DAB1: variants seen among roughly 807,000 people sequenced by gnomAD.
DAB1 encodes the protein disabled homolog 1.
DAB1 carries 15 observed loss-of-function variants against 64.6 expected under a neutral mutation model. The ratio of observed to expected loss-of-function variants is 0.23; its 90% confidence interval spans 0.16 to 0.36. The LOEUF (loss-of-function observed/expected upper bound fraction) is 0.36. Among genes scored for constraint, DAB1 ranks in the 10% least tolerant of loss-of-function variants. DAB1 has a pLI of 1.00. For synonymous variants in DAB1, 235 were observed against 251.9 expected (o/e 0.93, Z 0.64); for missense variants, 596 against 706.7 (o/e 0.84, Z 1.78).
intron 1 of DAB1, among the ~76,000 whole-genome samples, chr1:57,324,443 G>T (rs999366840): frequency 2.0e-5 from 3 of 152,182 alleles, no homozygotes; most frequent in African/African-American, 7.2e-5. Context: ...GGTGAAGTCA[G>T]ATAAAGAAGC....
chr1:58,106,352 A>T (rs1213768), intron 5 of DAB1, among the ~76,000 whole-genome samples: 2,421 of 151,802 alleles, frequency 0.016, 59 homozygotes, highest in African/African-American at 0.055. Flanking sequence ...GCTAATTTTT[A>T]AAAAAGTTTT....
chr1:57,142,727 A>G (rs1215830981), intron 3 of DAB1, among the ~76,000 whole-genome samples: 1 of 152,118 alleles, frequency 6.6e-6, no homozygotes, highest in African/African-American at 2.4e-5. Flanking sequence ...CAGGGAGCAG[A>G]GGCCAAATCC....
At chr1:58,071,770 A>G (rs954500940) in intron 5 of DAB1, 3 of 152,184 alleles carry the variant, frequency 2.0e-5, no homozygotes, top group African/African-American at 7.2e-5. Context: ...AACACACAGA[A>G]TCACAGGATC....
intron 5 of DAB1, among the ~76,000 whole-genome samples, chr1:58,117,332 G>A: frequency 6.6e-6 from 1 of 152,154 alleles, no homozygotes; most frequent in Non-Finnish European, 1.5e-5. Context: ...TGTGAAAGAG[G>A]CAGAATCAGA....
chr1:57,615,903 A>T (rs144420770), intron 7 of DAB1, among the ~76,000 whole-genome samples: 2 of 152,320 alleles, frequency 1.3e-5, no homozygotes, highest in African/African-American at 4.8e-5. Flanking sequence ...ATAATGAAAT[A>T]CTATCGTCAT....
intron 5 of DAB1, among the ~76,000 whole-genome samples, chr1:57,930,530 T>G (rs1321371019): frequency 3.9e-5 from 6 of 152,250 alleles, no homozygotes; most frequent in Non-Finnish European, 7.3e-5. Context: ...ATCTCTTCAT[T>G]TATTTACTCT....
chr1:57,626,343 G>C (rs1645923252), intron 7 of DAB1, among the ~76,000 whole-genome samples: 1 of 152,162 alleles, frequency 6.6e-6, no homozygotes, highest in South Asian at 2.1e-4. Context: ...CACAAGCTAT[G>C]GTGGCCTAAA....
intron 9 of DAB1, chr1:57,033,674 G>C (rs543307773): frequency 8.5e-7 from 1 of 1,169,608 alleles, no homozygotes; most frequent in Non-Finnish European, 1.2e-6. Context: ...TCACACTTCC[G>C]TGGTCTCAGT....
intron 1 of DAB1, among the ~76,000 whole-genome samples, chr1:57,293,869 A>G (rs1558108636): frequency 6.6e-6 from 1 of 152,134 alleles, no homozygotes; most frequent in Non-Finnish European, 1.5e-5. Context: ...TCTATCTTCA[A>G]AGATGTTTGT....
intron 2 of DAB1, among the ~76,000 whole-genome samples, chr1:57,236,007 G>A (rs1156775011): frequency 6.6e-6 from 1 of 152,102 alleles, no homozygotes; most frequent in East Asian, 1.9e-4. Flanking sequence ...CATACTTGGG[G>A]GTGGTACCCT....
chr1:58,384,949 T>G (rs576405927), intron 3 of DAB1, among the ~76,000 whole-genome samples: 114 of 152,154 alleles, frequency 7.5e-4, no homozygotes, highest in Non-Finnish European at 1.3e-3. Flanking sequence ...CTTAGTCCAC[T>G]GACTCAAATG....
chr1:57,795,731 A>ATATATATATG (rs1650827811), intron 6 of DAB1, among the ~76,000 whole-genome samples: 1 of 113,014 alleles, frequency 8.8e-6, no homozygotes, highest in South Asian at 2.9e-4. Context: ...ATATATATAT[A>ATATATATATG]TATCATACAC....
chr1:57,550,397 T>C (rs1391579498), intron 7 of DAB1, among the ~76,000 whole-genome samples: 2 of 152,128 alleles, frequency 1.3e-5, no homozygotes, highest in Non-Finnish European at 2.9e-5. Context: ...TAACTCTGAT[T>C]CTATACCATT....
chr1:57,371,059 G>A (rs917367424), intron 1 of DAB1, among the ~76,000 whole-genome samples: 1 of 152,146 alleles, frequency 6.6e-6, no homozygotes, highest in South Asian at 2.1e-4. Context: ...GAGAGATCTG[G>A]GAATAAGTAG....
intron 5 of DAB1, among the ~76,000 whole-genome samples, chr1:58,098,125 C>G (rs1396197686): frequency 3.3e-5 from 5 of 152,176 alleles, no homozygotes; most frequent in Non-Finnish European, 7.3e-5. Context: ...TGTCTTTTGC[C>G]TGCAAAACTC....
chr1:57,792,356 G>C (rs1352046030), intron 6 of DAB1, among the ~76,000 whole-genome samples: 1 of 152,212 alleles, frequency 6.6e-6, no homozygotes, highest in Non-Finnish European at 1.5e-5. Context: ...CCAGACAGCA[G>C]GCTGACATTC....
intron 4 of DAB1, among the ~76,000 whole-genome samples, chr1:58,268,341 A>G (rs1275300281): frequency 6.6e-6 from 1 of 152,152 alleles, no homozygotes; most frequent in East Asian, 1.9e-4. Context: ...AAATATATAG[A>G]CCTTCATAAT....
chr1:58,230,423 G>C (rs1181727590), intron 4 of DAB1, among the ~76,000 whole-genome samples: 1 of 152,172 alleles, frequency 6.6e-6, no homozygotes, highest in Non-Finnish European at 1.5e-5. Flanking sequence ...AGGAGCAGGA[G>C]GAGTATTTGT....
chr1:58,010,507 A>C (rs1293940411), intron 5 of DAB1, among the ~76,000 whole-genome samples: 13 of 152,158 alleles, frequency 8.5e-5, no homozygotes, highest in Non-Finnish European at 2.9e-5. Flanking sequence ...GAGAAGAAGA[A>C]TGTTTATGCA....
Sources: allele counts gnomAD v4.1 joint callset (sites outside exome capture counted in the v4.1 genomes callset), GRCh38; gene constraint gnomAD v4.1.1; transcripts MANE v1.5; gene names NCBI Gene and HGNC (gene_info 2026-07-23, HGNC 2026-07-21).